The following RTCA variants were observed in gnomAD, a reference collection of about 807,000 sequenced individuals.
The protein encoded by RTCA is RNA terminal phosphate cyclase domain 1.
A neutral mutation model predicts 46.1 loss-of-function variants in RTCA; 37 were observed. That is an observed-to-expected ratio of 0.80 (90% confidence interval 0.62 to 1.06). RTCA has a LOEUF of 1.06. RTCA is among the 50% of genes least tolerant of loss of function. The probability of loss-of-function intolerance (pLI) is 0.00; values close to 1 mark genes in which losing one functional copy is unlikely to be tolerated. For synonymous variants in RTCA, 164 were observed against 158.3 expected (o/e 1.04, Z -0.27); for missense variants, 435 against 455.5 (o/e 0.95, Z 0.41).
chr1:100,274,751 A>G, intron 5 of RTCA, 73 bp from the exon 6 acceptor site: 3 of 1,387,430 alleles, frequency 2.2e-6, no homozygotes, highest in Non-Finnish European at 2.9e-6. Flanking sequence ...TTGACATGTC[A>G]TTTTATTGTA....
intron 6 of RTCA, 26 bp downstream of exon 6, chr1:100,274,991 A>G: frequency 6.4e-7 from 1 of 1,573,216 alleles, no homozygotes; most frequent in Non-Finnish European, 8.7e-7. Context: ...GTTCTTAGAA[A>G]TAAAATATAT....
intron 2 of RTCA, chr1:100,267,567 A>G (rs763193485): frequency 6.5e-7 from 1 of 1,540,314 alleles, no homozygotes; most frequent in Admixed American, 2.0e-5. Flanking sequence ...CCATGAGAAA[A>G]GGATCTGCTC....
chr1:100,268,977 T>C (rs982821961), intron 3 of RTCA, among the ~76,000 whole-genome samples: 3 of 151,288 alleles, frequency 2.0e-5, no homozygotes, highest in Non-Finnish European at 2.9e-5. Context: ...TCGCTTGAGC[T>C]CACAAATTTG....
chr1:100,277,177 A>T, intron 7 of RTCA, 81 bp from the exon 8 acceptor site: 1 of 1,290,136 alleles, frequency 7.8e-7, no homozygotes. Context: ...CCTATTTAAT[A>T]GTCATTGTTC....
intron 10 of RTCA, among the ~76,000 whole-genome samples, chr1:100,287,616 T>C (rs1010191546): frequency 6.6e-6 from 1 of 152,128 alleles, no homozygotes; most frequent in African/African-American, 2.4e-5. Flanking sequence ...TAGTTGGCTA[T>C]AAAAAAATTT....
chr1:100,274,868 C>T lies in RTCA; in HGVS notation c.518C>T (p.Ser173Leu). 1 of 1,613,502 alleles carries T rather than the reference C, an allele frequency of 6.2e-7. No homozygotes were observed. The highest frequency in any genetic ancestry group is 8.5e-7 in the Non-Finnish European group (1 of 1,179,566). The change falls in exon 6 of 11, where the codon TCA becomes TTA. Residue 173 changes from serine (S) to leucine (L), a missense_variant. Ser to Leu is a moderately radical substitution (Grantham distance 145). Coordinates refer to ENST00000370128, the MANE Select transcript of RTCA (RefSeq NM_003729.4). The stretch of plus-strand genomic sequence containing the variant: ...GGTGGTGAAGTGATTGTTCGAATGT[C>T]ACCAGTTAAACAATTGAACCCTATA... ...KGGGEVIVRM[S>L]PVKQLNPINL...
chr1:100,270,724 G>A, intron 4 of RTCA, 44 bp downstream of exon 4: 1 of 1,598,634 alleles, frequency 6.3e-7, no homozygotes, highest in East Asian at 2.2e-5. Context: ...TCTCATACAT[G>A]CTTCTGAGTC....
At chr1:100,267,523 T>G in intron 2 of RTCA, 1 of 1,545,800 alleles carries the variant, frequency 6.5e-7, no homozygotes, top group Non-Finnish European at 8.8e-7. Flanking sequence ...AAGTCCAAGA[T>G]CAAGGTCCTG....
At chr1:100,271,230 G>T (rs1209873859) in intron 4 of RTCA, among the ~76,000 whole-genome samples, 1 of 151,842 alleles carries the variant, frequency 6.6e-6, no homozygotes, top group Non-Finnish European at 1.5e-5. Flanking sequence ...GATCACTTGA[G>T]CTTAGAAGTT....
chr1:100,269,658 AAATTAAT>A (rs1159156130), intron 3 of RTCA, among the ~76,000 whole-genome samples: 3 of 152,030 alleles, frequency 2.0e-5, no homozygotes, highest in Admixed American at 6.6e-5. Context: ...GTTATTATTA[AAATTAAT>A]AATTATTAAA....
rs758339302 is a variant in RTCA at position 100,270,594 on chromosome 1, G to T, written c.328G>T (p.Val110Phe). 8 of 1,614,126 alleles carry T rather than the reference G, an allele frequency of 5.0e-6. No individual in the cohort carries two copies. The South Asian group carries it at 6.6e-5, about 13-fold the overall frequency. The change falls in exon 4 of 11, where the codon GTT becomes TTT. Residue 110 changes from valine to phenylalanine, a missense_variant. Val to Phe is a conservative substitution (Grantham distance 50, BLOSUM62 -1). Transcript: ENST00000370128. ...CLLMQVSMPC[V>F]LFAASPSELH... ...CTTGATGCAGGTCTCAATGCCGTGT[G>T]TTCTCTTTGCTGCTTCTCCATCAGA...
At chr1:100,269,363 CTTT>C (rs61660356) in intron 3 of RTCA, among the ~76,000 whole-genome samples, 40 of 123,242 alleles carry the variant, frequency 3.2e-4, no homozygotes, top group Admixed American at 3.3e-4. Context: ...AGCTATCAGT[CTTT>C]TTTTTTTTTT....
chr1:100,267,603 A>AT, intron 2 of RTCA: 1 of 1,485,088 alleles, frequency 6.7e-7, no homozygotes. Flanking sequence ...GCCTCTTCAC[A>AT]TGGTGGTTCC....
At chr1:100,266,943 A>G in intron 2 of RTCA, 1 of 370,610 alleles carries the variant, frequency 2.7e-6, no homozygotes, top group East Asian at 4.5e-5. Flanking sequence ...TGAGCTGGCA[A>G]GATAGATAGG....
rs1364981390 is a variant in RTCA at position 100,277,276 on chromosome 1, C to T, written c.759C>T (p.Ser253=). 7 of 1,612,480 alleles carry T rather than the reference C, an allele frequency of 4.3e-6. No homozygotes were observed. Among genetic ancestry groups the T allele is most frequent in the South Asian group, 1.1e-5 (1 of 90,752 alleles). ...GNGIIIIAET[S]TGCLFAGSSL... ...TGCATAGAATTATTGCTGAGACCTC[C>T]ACTGGCTGTTTGTTTGCTGGATCAT... The change falls in exon 8 of 11, where the codon TCC becomes TCT. Residue 253 remains serine (S), a synonymous_variant. Transcript: ENST00000370128.
chr1:100,276,852 T>C (rs1003428357), intron 7 of RTCA, among the ~76,000 whole-genome samples: 1 of 152,250 alleles, frequency 6.6e-6, no homozygotes, highest in Non-Finnish European at 1.5e-5. Flanking sequence ...ACGCTTGCTC[T>C]ACTTATGATA....
At chr1:100,274,786 C>A in intron 5 of RTCA, 38 bp from the exon 6 acceptor site, 1 of 1,560,086 alleles carries the variant, frequency 6.4e-7, no homozygotes, top group Non-Finnish European at 8.7e-7. Context: ...TTTTGTCATG[C>A]AATCAGTTTA....
At position 100,270,592 on chromosome 1, in the gene RTCA, G is replaced by A; in HGVS notation, c.326G>A (p.Cys109Tyr). The stretch of plus-strand genomic sequence containing the variant: ...CTCTTGATGCAGGTCTCAATGCCGT[G>A]TGTTCTCTTTGCTGCTTCTCCATCA... Reference protein sequence around the residue: ...VCLLMQVSMPCVLFAASPSEL... With the variant: ...VCLLMQVSMPYVLFAASPSEL... The change falls in exon 4 of 11, where the codon TGT (cysteine) becomes TAT (tyrosine). Residue 109 changes from cysteine to tyrosine, a missense_variant. Cys to Tyr is a radical substitution (Grantham distance 194). Coordinates refer to ENST00000370128, the MANE Select transcript of RTCA (RefSeq NM_003729.4). 2 of 1,614,096 alleles carry A rather than the reference G, an allele frequency of 1.2e-6. No homozygotes were observed. The highest frequency in any genetic ancestry group is 1.7e-6 in the Non-Finnish European group (2 of 1,179,998).
chr1:100,284,110 T>C (rs897284706), intron 8 of RTCA, among the ~76,000 whole-genome samples: 10 of 152,124 alleles, frequency 6.6e-5, no homozygotes, highest in Non-Finnish European at 1.3e-4. Flanking sequence ...CGTTTTCATT[T>C]GCAGCCAAGA....
Sources: gnomAD v4.1 joint callset for allele counts (sites outside exome capture counted in the v4.1 genomes callset) on GRCh38, gnomAD v4.1.1 for gene constraint, MANE v1.5 for transcripts, NCBI Gene and HGNC (gene_info 2026-07-23, HGNC 2026-07-21) for gene names.